SEPTIN9: variants seen among roughly 807,000 people sequenced by gnomAD.
SEPTIN9 encodes the protein septin-9.
A neutral mutation model predicts 56.6 loss-of-function variants in SEPTIN9; 13 were observed. That is an observed-to-expected ratio of 0.23 (90% CI 0.15 to 0.37). The LOEUF (loss-of-function observed/expected upper bound fraction) is 0.37. Ranked by LOEUF, SEPTIN9 falls within the 10% of genes least tolerant of loss-of-function variation. The pLI, the probability that SEPTIN9 is intolerant of heterozygous loss-of-function variation, is 1.00. For synonymous variants in SEPTIN9, 332 were observed against 334.1 expected (o/e 0.99, Z 0.07); for missense variants, 650 against 823.1 (o/e 0.79, Z 2.57).
At chr17:77,468,344 A>G (rs763797763) in intron 3 of SEPTIN9, among the ~76,000 whole-genome samples, 4 of 152,004 alleles carry the variant, frequency 2.6e-5, no homozygotes, top group African/African-American at 4.8e-5. Context: ...AACAAGTGGG[A>G]GTTCTAGGAA....
At position 77,476,028 on chromosome 17, in the gene SEPTIN9, G is replaced by A. The variant is rs930949016; in HGVS notation, c.722-6116G>A. 1 of 1,017,990 alleles carries A rather than the reference G, an allele frequency of 9.8e-7. No homozygotes were observed. The highest frequency in any genetic ancestry group is 1.5e-6 in the Non-Finnish European group (1 of 687,672). 63.1% of individuals were successfully genotyped at this position (1,017,990 alleles called of 1,614,324 possible). ...TTTGTCCTGGGGTGCAGGCCCGGCT[G>A]TCACTCCCCTGGAGCTGGGAATGGC... is the stretch of plus-strand genomic sequence containing the variant. On this transcript the variant is annotated intron_variant, in intron 3 of 11. Transcript: ENST00000427177. This position sits in a 1 kb window ranked among gnomAD's most constrained non-coding sequence, Gnocchi z 6.0.
At chr17:77,392,553 T>C (rs2035578736) in intron 2 of SEPTIN9, among the ~76,000 whole-genome samples, 1 of 151,966 alleles carries the variant, frequency 6.6e-6, no homozygotes, top group Admixed American at 6.5e-5. Flanking sequence ...GCCACCAAGC[T>C]GGCCTCCTGC....
Position 77,450,556 on chromosome 17 carries a change from G to A in SEPTIN9, c.722-31588G>A. ...ACTTGGGTTCAGAGGTCGTGGCACT[G>A]AGATGGGTCTGGCAGATCCCAGCGT... On this transcript the variant is annotated intron_variant, in intron 3 of 11. Transcript: ENST00000427177. This position sits in a 1 kb window ranked among gnomAD's most constrained non-coding sequence, Gnocchi z 6.0. 1.0e-6 allele frequency: 1 copy of A among 985,532 alleles called. No homozygotes were observed. Among genetic ancestry groups the A allele is most frequent in the Non-Finnish European group, 1.2e-6 (1 of 830,036 alleles). The allele number at this position is 985,532 out of a possible 1,614,324, so 61.0% of individuals were successfully genotyped here.
intron 2 of SEPTIN9, among the ~76,000 whole-genome samples, chr17:77,390,246 C>T (rs2035485633): frequency 1.4e-5 from 2 of 146,608 alleles, no homozygotes. Flanking sequence ...ACTCGGGAGG[C>T]GGAGGCAGGA....
intron 2 of SEPTIN9, among the ~76,000 whole-genome samples, chr17:77,331,510 C>T (rs1407456874): frequency 6.6e-6 from 1 of 152,196 alleles, no homozygotes; most frequent in East Asian, 1.9e-4. Flanking sequence ...AGAGGGGACC[C>T]GCCCAGCCTG....
rs951792381 is a variant in SEPTIN9 at position 77,436,712 on chromosome 17, C to G, written c.721+34009C>G. Among the ~76,000 whole-genome samples the G allele has an allele frequency of 1.3e-5, 2 of 152,250 alleles. No homozygotes were observed. Among genetic ancestry groups the G allele is most frequent in the African/African-American group, 4.8e-5 (2 of 41,462 alleles). Reference sequence around the variant, plus strand: ...TGGTAGGGGCTGCGGCGGAGGTGGGCAAAAGCCGCTTCCGGGCAGCCAGCC... The same window carrying G: ...TGGTAGGGGCTGCGGCGGAGGTGGGGAAAAGCCGCTTCCGGGCAGCCAGCC... On this transcript the variant is annotated intron_variant, in intron 3 of 11. Transcript: ENST00000427177. This position sits in a 1 kb window ranked among gnomAD's most constrained non-coding sequence, Gnocchi z 4.4.
At chr17:77,383,746 A>G (rs1011157891) in intron 2 of SEPTIN9, among the ~76,000 whole-genome samples, 2 of 152,068 alleles carry the variant, frequency 1.3e-5, no homozygotes, top group Non-Finnish European at 2.9e-5. Context: ...CATCGTGGGG[A>G]TCTCCGAGGG....
rs2035925201 is a variant in SEPTIN9, at chr17:77,402,248, C to T, written c.266C>T (p.Ser89Phe). The change falls in exon 3 of 12, where the codon TCC becomes TTC. Residue 89 changes from serine to phenylalanine, a missense_variant. This residue lies in a region of SEPTIN9 where 317 missense variants were observed against 329.1 expected (regional missense o/e 0.96). Coordinates refer to ENST00000427177, the MANE Select transcript of SEPTIN9 (RefSeq NM_001113491.2). This position sits in a 1 kb window ranked among gnomAD's most constrained non-coding sequence, Gnocchi z 6.6. ...DSLSQRSPKA[S>F]LRRVELSGPK... ...CTAAGCCAACGCTCCCCCAAGGCGT[C>T]CCTGCGGAGGGTGGAGCTCTCGGGC... The T allele has an allele frequency of 1.2e-6, 2 of 1,613,182 alleles. No homozygotes were observed. Among genetic ancestry groups the T allele is most frequent in the Non-Finnish European group, 8.5e-7 (1 of 1,179,884 alleles).
At chr17:77,286,859 A>G (rs903194784) in intron 1 of SEPTIN9, among the ~76,000 whole-genome samples, 4 of 152,148 alleles carry the variant, frequency 2.6e-5, no homozygotes, top group Non-Finnish European at 4.4e-5. Flanking sequence ...GGCTCCAGAG[A>G]GAGGCTCCAG....
At chr17:77,413,918 C>T (rs1028125438) in intron 3 of SEPTIN9, among the ~76,000 whole-genome samples, 5 of 149,630 alleles carry the variant, frequency 3.3e-5, no homozygotes, top group South Asian at 2.1e-4. Flanking sequence ...CTTTACCATG[C>T]GTGTGCTACA....
In SEPTIN9 at chr17:77,451,362, C is replaced by T. The variant is rs2037961042; in HGVS notation, c.722-30782C>T. On this transcript the variant is annotated intron_variant, in intron 3 of 11. Transcript: ENST00000427177. The surrounding 1 kb of genome is among the most constrained non-coding windows in gnomAD (Gnocchi z 4.2). ...AGCAATTCCCCACCGAGCCTCCCTT[C>T]CCAGGCAGTCGAGGTCCCTCCCTAC... The T allele has an allele frequency of 1.0e-6, 1 of 985,878 alleles. No homozygotes were observed. Among genetic ancestry groups the T allele is most frequent in the South Asian group, 4.7e-5 (1 of 21,294 alleles). The allele number at this position is 985,878 out of a possible 1,614,324, so 61.1% of individuals were successfully genotyped here. A position where few individuals can be genotyped will look rare whatever the true frequency, so the allele number is the denominator to read the frequency against.
chr17:77,324,270 T>C (rs1383538864), intron 2 of SEPTIN9, among the ~76,000 whole-genome samples: 1 of 152,230 alleles, frequency 6.6e-6, no homozygotes, highest in African/African-American at 2.4e-5. Flanking sequence ...TTTTTCCAAA[T>C]AGGCCATGTT....
intron 2 of SEPTIN9, among the ~76,000 whole-genome samples, chr17:77,370,324 G>A (rs1276322963): frequency 6.6e-6 from 1 of 152,174 alleles, no homozygotes; most frequent in African/African-American, 2.4e-5. Flanking sequence ...TTGGCCTGTG[G>A]CTGCATCACT....
chr17:77,365,168 C>G (rs1254914991), intron 2 of SEPTIN9, among the ~76,000 whole-genome samples: 1 of 152,218 alleles, frequency 6.6e-6, no homozygotes, highest in Non-Finnish European at 1.5e-5. Flanking sequence ...ACCCACACCG[C>G]TACATCTTCT....
intron 1 of SEPTIN9, 55 bp from the exon 2 acceptor site, chr17:77,307,086 G>A (rs369963887): frequency 6.8e-5 from 104 of 1,523,646 alleles, no homozygotes; most frequent in Middle Eastern, 1.7e-4. Flanking sequence ...TCATCCACCC[G>A]GAGGGAGAGC....
chr17:77,475,922 A>G lies in SEPTIN9; in HGVS notation c.722-6222A>G. On this transcript the variant is annotated intron_variant, in intron 3 of 11. Coordinates refer to ENST00000427177, the MANE Select transcript of SEPTIN9 (RefSeq NM_001113491.2). This position sits in a 1 kb window ranked among gnomAD's most constrained non-coding sequence, Gnocchi z 4.6. ...AGACAAGGTGTGTGGGGATGTGGCC[A>G]TTTCGGTCCGTGCTCTGAGAGCCAG... 1 of 1,598,456 alleles carries G rather than the reference A, an allele frequency of 6.3e-7. No homozygotes were observed. Among genetic ancestry groups the G allele is most frequent in the South Asian group, 1.1e-5 (1 of 89,560 alleles).
intron 7 of SEPTIN9, among the ~76,000 whole-genome samples, chr17:77,489,581 G>A (rs1052388148): frequency 3.3e-5 from 5 of 152,164 alleles, no homozygotes; most frequent in African/African-American, 1.2e-4. Context: ...TGGCTTGTCT[G>A]CATGGGTGGG....
Position 77,450,712 on chromosome 17 carries a change from C to CAGGGGCTGG in SEPTIN9, c.722-31429_722-31421dup, listed in dbSNP as rs1160485495. 1 of 986,200 alleles carries CAGGGGCTGG rather than the reference C, an allele frequency of 1.0e-6. No individual in the cohort carries two copies. Among genetic ancestry groups the CAGGGGCTGG allele is most frequent in the Non-Finnish European group, 1.2e-6 (1 of 830,726 alleles). 61.1% of individuals were successfully genotyped at this position (986,200 alleles called of 1,614,324 possible). ...AGACTGACTCACTGGCCAGGTCCCCCAGGGGCTGGAGAGGCTGGAGAGGCA... is the reference window on the plus strand; with the variant it reads ...AGACTGACTCACTGGCCAGGTCCCCCAGGGGCTGGAGGGGCTGGAGAGGCTGGAGAGGCA... On this transcript the variant is annotated intron_variant, in intron 3 of 11. Transcript: ENST00000427177. The surrounding 1 kb of genome is among the most constrained non-coding windows in gnomAD (Gnocchi z 6.0).
At position 77,429,825 on chromosome 17, in the gene SEPTIN9, C is replaced by T. The variant is rs969752779; in HGVS notation, c.721+27122C>T. On this transcript the variant is annotated intron_variant, in intron 3 of 11. Transcript: ENST00000427177. This position sits in a 1 kb window ranked among gnomAD's most constrained non-coding sequence, Gnocchi z 5.2. ...GTGGGCTGTGCTCAGGGCAACACAG[C>T]GGATGGGGCAGATGTTGCGAAACCT... 5.3e-5 allele frequency among the ~76,000 whole-genome samples: 8 copies of T among 152,136 alleles called. No homozygotes were observed. Among genetic ancestry groups the T allele is most frequent in the African/African-American group, 1.9e-4 (8 of 41,412 alleles).
Sources: gnomAD v4.1 joint callset for allele counts (sites outside exome capture counted in the v4.1 genomes callset) on GRCh38, gnomAD v4.1.1 for gene constraint, gnomAD v4.1.1 regional missense constraint, Gnocchi (gnomAD v3.1) non-coding constraint, MANE v1.5 for transcripts, NCBI Gene and HGNC (gene_info 2026-07-23, HGNC 2026-07-21) for gene names.